Variants in GREM1 observed in about 807,000 individuals in gnomAD.
The protein encoded by GREM1 is gremlin 1, DAN family BMP antagonist, also known as gremlin-1.
GREM1 carries 6 observed loss-of-function variants against 13.1 expected under a neutral mutation model. The ratio of observed to expected loss-of-function variants is 0.46; its 90% CI spans 0.25 to 0.91. GREM1 has a LOEUF of 0.91. Ranked by LOEUF, GREM1 falls within the 40% of genes least tolerant of loss-of-function variation. The probability of loss-of-function intolerance (pLI) is 0.18; values close to 1 mark genes in which losing one functional copy is unlikely to be tolerated. For synonymous variants in GREM1, 98 were observed against 93.7 expected (o/e 1.05, Z -0.27); for missense variants, 185 against 233.9 (o/e 0.79, Z 1.36).
Position 32,737,289 on chromosome 15 carries a change from T to G in GREM1, c.*6044T>G, listed in dbSNP as rs2140763472. ...CTTATTTTCTATAACTAGTATTACC[T>G]TGATACCAAATTCTGACAAATACAT... On this transcript the variant is annotated 3_prime_UTR_variant, in exon 2 of 2. Coordinates refer to ENST00000651154, the MANE Select transcript of GREM1 (RefSeq NM_013372.7). 6.6e-6 allele frequency: 1 copy of G among 152,318 alleles called. No homozygotes were observed. The highest frequency in any genetic ancestry group is 6.5e-5 in the Admixed American group (1 of 15,298). The allele number at this position is 152,318 out of a possible 1,614,324, so 9.4% of individuals were successfully genotyped here.
rs1469432166 is a variant in GREM1 at position 32,743,589 on chromosome 15, T to C, written c.*12344T>C. 1 of 152,120 alleles carries C rather than the reference T, an allele frequency of 6.6e-6. No individual in the cohort carries two copies. Among genetic ancestry groups the C allele is most frequent in the African/African-American group, 2.4e-5 (1 of 41,386 alleles). The allele number at this position is 152,120 out of a possible 1,614,324, so 9.4% of individuals were successfully genotyped here. A position where few individuals can be genotyped will look rare whatever the true frequency, so the allele number is the denominator to read the frequency against. On this transcript the variant is annotated 3_prime_UTR_variant, in exon 2 of 2. Coordinates refer to ENST00000651154, the MANE Select transcript of GREM1 (RefSeq NM_013372.7). ...GTTCTGGGTCAGAATCTCTGGTGAG[T>C]GTGTAGGCAAGGTGTCAGTAGGGGG...
In GREM1 at chr15:32,731,472, T is replaced by C; in HGVS notation, c.*227T>C. ...ACAGTCTCTGCTAGAGAGCACTCCC[T>C]ATTTTGTAAACATATCTGCTTTAAT... On this transcript the variant is annotated 3_prime_UTR_variant, in exon 2 of 2. Coordinates refer to ENST00000651154, the MANE Select transcript of GREM1 (RefSeq NM_013372.7). The C allele has an allele frequency of 1.7e-6, 1 of 578,960 alleles. No individual in the cohort carries two copies. Among genetic ancestry groups the C allele is most frequent in the Non-Finnish European group, 3.1e-6 (1 of 319,704 alleles). 35.9% of individuals were successfully genotyped at this position (578,960 alleles called of 1,614,324 possible). A position where few individuals can be genotyped will look rare whatever the true frequency, so the allele number is the denominator to read the frequency against.
intron 1 of GREM1, among the ~76,000 whole-genome samples, chr15:32,724,803 G>A (rs766776411): frequency 7.1e-6 from 1 of 139,964 alleles, no homozygotes; most frequent in Non-Finnish European, 1.5e-5. Context: ...CCCACCCCTC[G>A]ACAGGCCCCA....
intron 1 of GREM1, among the ~76,000 whole-genome samples, chr15:32,719,685 C>G (rs902088100): frequency 6.6e-6 from 1 of 152,148 alleles, no homozygotes; most frequent in Non-Finnish European, 1.5e-5. Flanking sequence ...TTAAAACAAT[C>G]TATTGTGTTA....
Position 32,718,091 on chromosome 15 carries a change from G to T in GREM1, c.-72G>T. 1 of 1,221,158 alleles carries T rather than the reference G, an allele frequency of 8.2e-7. No individual in the cohort carries two copies. The highest frequency in any genetic ancestry group is 1.0e-6 in the Non-Finnish European group (1 of 967,530). The allele number at this position is 1,221,158 out of a possible 1,614,324, so 75.6% of individuals were successfully genotyped here. ...CGCTGACCCCGCGCCGAGCCCCGGCGGCTCTGGCCGCGGCCGCACTCAGCG... is the reference window on the plus strand; with the variant it reads ...CGCTGACCCCGCGCCGAGCCCCGGCTGCTCTGGCCGCGGCCGCACTCAGCG... On this transcript the variant is annotated 5_prime_UTR_variant, in exon 1 of 2. Transcript: ENST00000651154.
At chr15:32,727,315 C>T (rs1403135859) in intron 1 of GREM1, among the ~76,000 whole-genome samples, 1 of 152,176 alleles carries the variant, frequency 6.6e-6, no homozygotes, top group Admixed American at 6.5e-5. Context: ...TTGGCTTCAT[C>T]CCTGGGATGC....
Position 32,721,018 on chromosome 15 carries a change from T to A in GREM1, c.-2+2857T>A, listed in dbSNP as rs11857586. On this transcript the variant is annotated intron_variant, in intron 1 of 1. Coordinates refer to ENST00000651154, the MANE Select transcript of GREM1 (RefSeq NM_013372.7). ...CTAAAAACACAAAATTAGCCAGGCATGGTGGTGCATGCCTGCAATCCCAGC... is the reference window on the plus strand; with the variant it reads ...CTAAAAACACAAAATTAGCCAGGCAAGGTGGTGCATGCCTGCAATCCCAGC... 0.032 allele frequency among the ~76,000 whole-genome samples: 4,867 copies of A among 152,218 alleles called. 274 individuals carry two copies. Among genetic ancestry groups the A allele is most frequent in the African/African-American group, 0.11 (4,616 of 41,514 alleles).
At position 32,732,883 on chromosome 15, in the gene GREM1, G is replaced by A. The variant is rs569683346; in HGVS notation, c.*1638G>A. The A allele has an allele frequency of 4.5e-6, 1 of 220,598 alleles. No individual in the cohort carries two copies. The highest frequency in any genetic ancestry group is 9.9e-6 in the Non-Finnish European group (1 of 100,816). 13.7% of individuals were successfully genotyped at this position (220,598 alleles called of 1,614,324 possible). ...ACTCCCTGAATACTCTTTTTGCCTT[G>A]TATCTTCTCAGCCTCCTAGCCAAGT... On this transcript the variant is annotated 3_prime_UTR_variant, in exon 2 of 2. Coordinates refer to ENST00000651154, the MANE Select transcript of GREM1 (RefSeq NM_013372.7).
Position 32,731,886 on chromosome 15 carries a change from T to C in GREM1, c.*641T>C, listed in dbSNP as rs2055626163. On this transcript the variant is annotated 3_prime_UTR_variant, in exon 2 of 2. Coordinates refer to ENST00000651154, the MANE Select transcript of GREM1 (RefSeq NM_013372.7). ...CTGGTGTGGGCAAGGACAAGCAGGA[T>C]AGTGGAGTGAGAAAGGGAGGGTGGA... 1 of 230,698 alleles carries C rather than the reference T, an allele frequency of 4.3e-6. No homozygotes were observed. Among genetic ancestry groups the C allele is most frequent in the East Asian group, 6.9e-5 (1 of 14,540 alleles). 14.3% of individuals were successfully genotyped at this position (230,698 alleles called of 1,614,324 possible). A position where few individuals can be genotyped will look rare whatever the true frequency, so the allele number is the denominator to read the frequency against.
rs1463920727 is a variant in GREM1 at position 32,737,315 on chromosome 15, C to A, written c.*6070C>A. ...TGATACCAAATTCTGACAAATACAT[C>A]AAAAATAAAACCATAGACCAATATC... On this transcript the variant is annotated 3_prime_UTR_variant, in exon 2 of 2. Transcript: ENST00000651154. 1 of 152,040 alleles carries A rather than the reference C, an allele frequency of 6.6e-6. No individual in the cohort carries two copies. The highest frequency in any genetic ancestry group is 1.5e-5 in the Non-Finnish European group (1 of 68,030). 9.4% of individuals were successfully genotyped at this position (152,040 alleles called of 1,614,324 possible). A position where few individuals can be genotyped will look rare whatever the true frequency, so the allele number is the denominator to read the frequency against.
At position 32,735,752 on chromosome 15, in the gene GREM1, G is replaced by A. The variant is rs550806730; in HGVS notation, c.*4507G>A. ...GAAAGGTGTGAGTGGGACTTGACAC[G>A]GAAGAGCATTTCAAGCTTAAGAAAA... is the stretch of plus-strand genomic sequence containing the variant. On this transcript the variant is annotated 3_prime_UTR_variant, in exon 2 of 2. Transcript: ENST00000651154. 1.5e-4 allele frequency: 22 copies of A among 143,770 alleles called. No individual in the cohort carries two copies. Among genetic ancestry groups the A allele is most frequent in the African/African-American group, 4.9e-4 (19 of 38,618 alleles). 8.9% of individuals were successfully genotyped at this position (143,770 alleles called of 1,614,324 possible).
intron 1 of GREM1, chr15:32,718,679 T>C (rs1595841340): frequency 5.6e-6 from 2 of 357,422 alleles, no homozygotes; most frequent in Admixed American, 3.8e-5. Context: ...GAATCCATGA[T>C]GTGTGCATTT....
chr15:32,723,371 G>C (rs952791773), intron 1 of GREM1, among the ~76,000 whole-genome samples: 2 of 152,128 alleles, frequency 1.3e-5, no homozygotes, highest in Admixed American at 1.3e-4. Flanking sequence ...ATGAATTATA[G>C]TTCTTACCCT....
rs757593929 is a variant in GREM1, at chr15:32,730,861, C to T, written c.171C>T (p.Asn57=). The change falls in exon 2 of 2, where the codon AAC becomes AAT. Residue 57 remains asparagine, a synonymous_variant. Coordinates refer to ENST00000651154, the MANE Select transcript of GREM1 (RefSeq NM_013372.7). ...CGCCCCAGCAGCCTGGCTCCAGGAA[C>T]CGGGGGCGGGGCCAAGGGCGGGGCA... ...TQSPQQPGSR[N]RGRGQGRGTA... is the part of the protein sequence containing the mutation. 1 of 1,613,482 alleles carries T rather than the reference C, an allele frequency of 6.2e-7. No individual in the cohort carries two copies. The highest frequency in any genetic ancestry group is 8.5e-7 in the Non-Finnish European group (1 of 1,179,764).
In GREM1 at chr15:32,735,477, G is replaced by C. The variant is rs2055685317; in HGVS notation, c.*4232G>C. ...AACTGTGAGCAACTTTTATCGGTTTGTTCTTTTAAGAACATAACACAGCAC... is the reference window on the plus strand; with the variant it reads ...AACTGTGAGCAACTTTTATCGGTTTCTTCTTTTAAGAACATAACACAGCAC... On this transcript the variant is annotated 3_prime_UTR_variant, in exon 2 of 2. Transcript: ENST00000651154. The C allele has an allele frequency of 6.6e-6, 1 of 152,164 alleles. No individual in the cohort carries two copies. Among genetic ancestry groups the C allele is most frequent in the South Asian group, 2.1e-4 (1 of 4,824 alleles). 9.4% of individuals were successfully genotyped at this position (152,164 alleles called of 1,614,324 possible).
chr15:32,732,917 A>G lies in GREM1; in HGVS notation c.*1672A>G, dbSNP rs2140696192. 4.5e-6 allele frequency: 1 copy of G among 220,652 alleles called. No homozygotes were observed. The highest frequency in any genetic ancestry group is 9.9e-6 in the Non-Finnish European group (1 of 100,818). The allele number at this position is 220,652 out of a possible 1,614,324, so 13.7% of individuals were successfully genotyped here. On this transcript the variant is annotated 3_prime_UTR_variant, in exon 2 of 2. Transcript: ENST00000651154. ...CAGCCTCCTAGCCAAGTCCTATGTA[A>G]TATGGAAAACAAACACTGCAGACTT...
chr15:32,721,199 C>A lies in GREM1; in HGVS notation c.-2+3038C>A, dbSNP rs968817544. Among the ~76,000 whole-genome samples the A allele has an allele frequency of 1.2e-4, 18 of 152,112 alleles. 1 individual carries two copies. Among genetic ancestry groups the A allele is most frequent in the Admixed American group, 1.0e-3 (16 of 15,256 alleles). On this transcript the variant is annotated intron_variant, in intron 1 of 1. Transcript: ENST00000651154. ...AAACAAACAAAAAAATGCTGGCTTTCCCACTTATGAGCTGTGTGACCTTGG... is the reference window on the plus strand; with the variant it reads ...AAACAAACAAAAAAATGCTGGCTTTACCACTTATGAGCTGTGTGACCTTGG...
chr15:32,723,379 C>T (rs1484551264), intron 1 of GREM1, among the ~76,000 whole-genome samples: 3 of 152,026 alleles, frequency 2.0e-5, no homozygotes, highest in Non-Finnish European at 4.4e-5. Flanking sequence ...TAGTTCTTAC[C>T]CTGCTTACTG....
chr15:32,731,030 A>G lies in GREM1; in HGVS notation c.340A>G (p.Ile114Val), dbSNP rs1027553263. The change falls in exon 2 of 2, where the codon ATC becomes GTC. Residue 114 changes from isoleucine (I) to valine (V), a missense_variant. Coordinates refer to ENST00000651154, the MANE Select transcript of GREM1 (RefSeq NM_013372.7). ...HEEGCNSRTI[I>V]NRFCYGQCNS... Reference sequence around the variant, plus strand: ...GGAAGGCTGCAACAGTCGCACCATCATCAACCGCTTCTGTTACGGCCAGTG... The same window carrying G: ...GGAAGGCTGCAACAGTCGCACCATCGTCAACCGCTTCTGTTACGGCCAGTG... The G allele has an allele frequency of 3.1e-6, 5 of 1,614,090 alleles. No individual in the cohort carries two copies. Among genetic ancestry groups the G allele is most frequent in the Admixed American group, 3.3e-5 (2 of 60,012 alleles).
Sources: gnomAD v4.1 joint callset for allele counts (sites outside exome capture counted in the v4.1 genomes callset) on GRCh38, gnomAD v4.1.1 for gene constraint, MANE v1.5 for transcripts, NCBI Gene and HGNC (gene_info 2026-07-23, HGNC 2026-07-21) for gene names.